The following L3MBTL1 variants were observed in gnomAD, a reference collection of about 807,000 sequenced individuals.
The protein encoded by L3MBTL1 is lethal(3)malignant brain tumor-like protein 1.
Under a neutral mutation model 105.3 loss-of-function variants are expected in L3MBTL1, and 75 were observed. The observed-to-expected ratio is 0.71, with a 90% CI of 0.59 to 0.86. The LOEUF (loss-of-function observed/expected upper bound fraction) is 0.86. Ranked by LOEUF, L3MBTL1 falls within the 40% of genes least tolerant of loss-of-function variation. The probability of loss-of-function intolerance (pLI) is 0.00; values close to 1 mark genes in which losing one functional copy is unlikely to be tolerated. For missense variants in L3MBTL1, 1,069 were observed against 1,126.4 expected (o/e 0.95, Z 0.73); for synonymous variants, 452 against 436.2 (o/e 1.04, Z -0.45).
At chr20:43,532,561 T>C (rs1422060609) in intron 11 of L3MBTL1, 1 of 529,504 alleles carries the variant, frequency 1.9e-6, no homozygotes, top group African/African-American at 1.9e-5. Context: ...GGCCTCTGAG[T>C]GCACCTTGGA....
intron 19 of L3MBTL1, among the ~76,000 whole-genome samples, chr20:43,537,580 CG>C (rs986520767): frequency 1.3e-5 from 2 of 152,136 alleles, no homozygotes; most frequent in Non-Finnish European, 2.9e-5. Flanking sequence ...ATGAATTTTG[CG>C]GGGACACATT....
intron 1 of L3MBTL1, among the ~76,000 whole-genome samples, chr20:43,508,175 A>AT (rs972829219): frequency 3.0e-4 from 46 of 150,980 alleles, no homozygotes; most frequent in Admixed American, 2.9e-3. Context: ...GGAATATGGA[A>AT]TTTTTTTTGT....
At chr20:43,519,354 A>AT (rs909428672) in intron 7 of L3MBTL1, among the ~76,000 whole-genome samples, 9 of 144,208 alleles carry the variant, frequency 6.2e-5, no homozygotes, top group Non-Finnish European at 1.2e-4. Flanking sequence ...AAAAAAAAAA[A>AT]GGCTGGGTGC....
Position 43,528,823 on chromosome 20 carries a change from C to T in L3MBTL1, c.951+78C>T, listed in dbSNP as rs138241498. On this transcript the variant is annotated intron_variant, in intron 8 of 21. Transcript: ENST00000418998. ...ACACCACCAACCTCAGGCCTTCTGG[C>T]GTTTTCTGTGTCAGGCATGCCTCAG... 14,585 of 1,106,744 alleles carry T rather than the reference C, an allele frequency of 0.013. 132 individuals carry two copies. Among genetic ancestry groups the T allele is most frequent in the Non-Finnish European group, 0.017 (12,209 of 724,104 alleles). The allele number at this position is 1,106,744 out of a possible 1,614,324, so 68.6% of individuals were successfully genotyped here. A position where few individuals can be genotyped will look rare whatever the true frequency, so the allele number is the denominator to read the frequency against.
chr20:43,517,736 C>T (rs542871521), intron 7 of L3MBTL1, among the ~76,000 whole-genome samples: 9 of 152,274 alleles, frequency 5.9e-5, no homozygotes, highest in South Asian at 2.1e-4. Flanking sequence ...CTGTCTTTCC[C>T]GTCCCACAGA....
chr20:43,535,776 C>T (rs1200160820), intron 16 of L3MBTL1, 61 bp from the exon 17 acceptor site: 24 of 1,103,934 alleles, frequency 2.2e-5, no homozygotes, highest in South Asian at 6.0e-5. Context: ...CTGCTCCTTC[C>T]GTGCCCCACA....
At chr20:43,514,126 C>A in intron 3 of L3MBTL1, 65 bp downstream of exon 3, 1 of 1,372,356 alleles carries the variant, frequency 7.3e-7, no homozygotes, top group Non-Finnish European at 1.0e-6. Context: ...CTTGCAGGCC[C>A]GGAGGCTGGA....
chr20:43,533,041 C>A, intron 12 of L3MBTL1, 117 bp downstream of exon 12: 1 of 1,001,074 alleles, frequency 1.0e-6, no homozygotes, highest in Non-Finnish European at 1.5e-6. Context: ...TCAGATCTTC[C>A]TCCGGTTGGA....
chr20:43,520,299 T>C (rs1195935141), intron 7 of L3MBTL1, among the ~76,000 whole-genome samples: 2 of 152,248 alleles, frequency 1.3e-5, no homozygotes, highest in Admixed American at 1.3e-4. Context: ...TATTCATCAG[T>C]TGATGGACAT....
At chr20:43,516,459 C>T (rs1370672986) in intron 7 of L3MBTL1, among the ~76,000 whole-genome samples, 1 of 152,194 alleles carries the variant, frequency 6.6e-6, no homozygotes, top group Non-Finnish European at 1.5e-5. Flanking sequence ...TTTTTGAAGA[C>T]TTGAGTAACT....
chr20:43,532,629 T>C (rs943439237), intron 11 of L3MBTL1, 144 bp from the exon 12 acceptor site: 5 of 896,504 alleles, frequency 5.6e-6, no homozygotes, highest in Non-Finnish European at 8.5e-6. Context: ...TGGAGGGCCC[T>C]CTTTCCCAGC....
intron 7 of L3MBTL1, among the ~76,000 whole-genome samples, chr20:43,518,851 CAAAAAAAAAAAAAAAAAA>C (rs34529936): frequency 2.2e-3 from 72 of 33,298 alleles, no homozygotes; most frequent in Middle Eastern, 0.048. Context: ...ACTAAAAATA[CAAAAAAAAAAAAAAAAAA>C]AAAAAAAAAA....
downstream of L3MBTL1, among the ~76,000 whole-genome samples, chr20:43,542,611 C>CAAAAAAAAAAAA (rs5841503): frequency 4.4e-5 from 5 of 112,656 alleles, no homozygotes; most frequent in East Asian, 2.5e-4. Flanking sequence ...AAAAATTTAA[C>CAAAAAAAAAAAA]AAAAAAAAAA....
chr20:43,534,774 G>C, intron 15 of L3MBTL1, 54 bp from the exon 16 acceptor site: 1 of 1,343,712 alleles, frequency 7.4e-7, no homozygotes, highest in Admixed American at 1.9e-5. Context: ...GGACCTTCTG[G>C]CTGAGCTGGG....
rs760062151 is a variant in L3MBTL1 at position 43,534,347 on chromosome 20, C to G, written c.1663C>G (p.Leu555Val). 2 of 1,614,172 alleles carry G rather than the reference C, an allele frequency of 1.2e-6. No homozygotes were observed. The highest frequency in any genetic ancestry group is 1.7e-6 in the Non-Finnish European group (2 of 1,180,012). ...GGCTGTGGACCGCAGGAACCCAGCC[C>G]TGATTCGCGTGGCCAGCGTGGAGGA... ...LEAVDRRNPA[L>V]IRVASVEDVE... Residue 555 changes from leucine (L) to valine (V), a missense_variant, in exon 15 of 22, where the codon CTG (leucine) becomes GTG (valine). Coordinates refer to ENST00000418998, the MANE Select transcript of L3MBTL1 (RefSeq NM_001377303.1).
chr20:43,524,062 A>G (rs573885854), intron 7 of L3MBTL1, among the ~76,000 whole-genome samples: 22 of 151,936 alleles, frequency 1.4e-4, no homozygotes, highest in Non-Finnish European at 2.6e-4. Context: ...CCTGGCCTTA[A>G]GCAATCCTCC....
intron 7 of L3MBTL1, among the ~76,000 whole-genome samples, chr20:43,523,947 A>G (rs1333542530): frequency 6.7e-6 from 1 of 148,718 alleles, no homozygotes; most frequent in Non-Finnish European, 1.5e-5. Flanking sequence ...GTGAGCTGAG[A>G]TCGTGCCACT....
chr20:43,547,505 C>T (rs1265797336), intron 18 of L3MBTL1, among the ~76,000 whole-genome samples: 2 of 152,126 alleles, frequency 1.3e-5, no homozygotes, highest in Non-Finnish European at 2.9e-5. Flanking sequence ...CTGTATTTCC[C>T]ATGAACTGAA....
chr20:43,542,783 A>G (rs1195960976), downstream of L3MBTL1, among the ~76,000 whole-genome samples: 2 of 152,180 alleles, frequency 1.3e-5, no homozygotes, highest in African/African-American at 4.8e-5. Context: ...ATGGAATCAT[A>G]GAGCATGTAC....
Sources: gnomAD v4.1 joint callset for allele counts (sites outside exome capture counted in the v4.1 genomes callset) on GRCh38, gnomAD v4.1.1 for gene constraint, MANE v1.5 for transcripts, NCBI Gene and HGNC (gene_info 2026-07-23, HGNC 2026-07-21) for gene names.